Variants in CSGALNACT1 observed in about 807,000 individuals in gnomAD.
The protein encoded by CSGALNACT1 is chondroitin sulfate N-acetylgalactosaminyltransferase 1.
Under a neutral mutation model 51.0 loss-of-function variants are expected in CSGALNACT1, and 52 were observed. That is an observed-to-expected ratio of 1.02 (90% CI 0.82 to 1.29). The LOEUF (loss-of-function observed/expected upper bound fraction) is 1.29. Among genes scored for constraint, CSGALNACT1 ranks in the 50% most tolerant of loss-of-function variants. The probability of loss-of-function intolerance (pLI) is 0.00; values close to 1 mark genes in which losing one functional copy is unlikely to be tolerated. For synonymous variants in CSGALNACT1, 341 were observed against 254.4 expected (o/e 1.34, Z -3.24); for missense variants, 935 against 679.2 (o/e 1.38, Z -4.19).
intron 3 of CSGALNACT1, among the ~76,000 whole-genome samples, chr8:19,585,885 C>T (rs926385566): frequency 4.6e-5 from 7 of 152,156 alleles, no homozygotes; most frequent in Non-Finnish European, 7.3e-5. Context: ...CCCTCTTTAC[C>T]GCTTCTTTAC....
chr8:19,487,565 C>G (rs546552520), intron 4 of CSGALNACT1, among the ~76,000 whole-genome samples: 2 of 152,158 alleles, frequency 1.3e-5, no homozygotes, highest in African/African-American at 4.8e-5. Flanking sequence ...GGATAAGATT[C>G]TGGAGAAGAA....
At chr8:19,660,006 A>G (rs900104288) in intron 1 of CSGALNACT1, among the ~76,000 whole-genome samples, 2 of 152,236 alleles carry the variant, frequency 1.3e-5, no homozygotes, top group African/African-American at 2.4e-5. Flanking sequence ...TAAGAAGTAC[A>G]AGGTAGTACT....
intron 1 of CSGALNACT1, among the ~76,000 whole-genome samples, chr8:19,740,748 A>G (rs2064261108): frequency 6.6e-6 from 1 of 152,242 alleles, no homozygotes; most frequent in Non-Finnish European, 1.5e-5. Context: ...AATATTTGAA[A>G]AAGCAGTTAC....
chr8:19,740,037 C>A (rs918605961), intron 1 of CSGALNACT1, among the ~76,000 whole-genome samples: 1 of 152,154 alleles, frequency 6.6e-6, no homozygotes, highest in Admixed American at 6.5e-5. Flanking sequence ...ACCAAAATCC[C>A]TGTGATGTGG....
intron 4 of CSGALNACT1, among the ~76,000 whole-genome samples, chr8:19,502,634 A>G (rs2076616645): frequency 6.6e-6 from 1 of 152,182 alleles, no homozygotes; most frequent in Non-Finnish European, 1.5e-5. Context: ...AATTGCCTCA[A>G]CCATGGATTA....
intron 4 of CSGALNACT1, among the ~76,000 whole-genome samples, chr8:19,478,861 C>A (rs190114180): frequency 6.6e-6 from 1 of 152,132 alleles, no homozygotes; most frequent in Non-Finnish European, 1.5e-5. Flanking sequence ...CAAGAACTTT[C>A]CAGACCTCTG....
intron 3 of CSGALNACT1, among the ~76,000 whole-genome samples, chr8:19,534,687 G>A (rs967783287): frequency 2.0e-5 from 3 of 152,052 alleles, no homozygotes; most frequent in Admixed American, 6.6e-5. Flanking sequence ...AATCAGAAAC[G>A]AGAAAGCCCC....
chr8:19,506,038 C>G, exon 4 of CSGALNACT1: 1 of 707,298 alleles, frequency 1.4e-6, no homozygotes. Context: ...GATGATCTTG[C>G]AGGCAGAAGC....
intron 4 of CSGALNACT1, among the ~76,000 whole-genome samples, chr8:19,468,898 T>C (rs4244451): frequency 0.73 from 111,409 of 151,954 alleles, 41,975 homozygotes; most frequent in East Asian, 0.87. Context: ...TTAAGAAGAA[T>C]GAGCTCAGGA....
chr8:19,425,581 G>A (rs1357858833), intron 6 of CSGALNACT1, among the ~76,000 whole-genome samples: 2 of 152,126 alleles, frequency 1.3e-5, no homozygotes, highest in East Asian at 3.9e-4. Flanking sequence ...TCACAAGAGT[G>A]GAAGCATCTA....
intron 3 of CSGALNACT1, among the ~76,000 whole-genome samples, chr8:19,544,965 G>A (rs1202423774): frequency 1.3e-5 from 2 of 151,810 alleles, no homozygotes; most frequent in Non-Finnish European, 2.9e-5. Flanking sequence ...GAAAAAATGG[G>A]AACCAGGGGA....
chr8:19,452,077 A>G (rs1257744139), intron 5 of CSGALNACT1, among the ~76,000 whole-genome samples: 1 of 152,252 alleles, frequency 6.6e-6, no homozygotes, highest in Non-Finnish European at 1.5e-5. Flanking sequence ...CCAATAAATG[A>G]CCAATGAGGG....
intron 1 of CSGALNACT1, among the ~76,000 whole-genome samples, chr8:19,625,037 G>C (rs2054274975): frequency 6.6e-6 from 1 of 152,280 alleles, no homozygotes; most frequent in South Asian, 2.1e-4. Context: ...AGATGCAGAG[G>C]AACAAAAGAT....
At chr8:19,717,259 G>A (rs1178412429) in intron 1 of CSGALNACT1, among the ~76,000 whole-genome samples, 2 of 152,342 alleles carry the variant, frequency 1.3e-5, no homozygotes, top group Non-Finnish European at 2.9e-5. Flanking sequence ...AAAGGCATAT[G>A]TATTATCATT....
chr8:19,546,132 A>G (rs1437764726), intron 3 of CSGALNACT1, among the ~76,000 whole-genome samples: 3 of 152,120 alleles, frequency 2.0e-5, no homozygotes, highest in Non-Finnish European at 2.9e-5. Flanking sequence ...AGTCAATTCA[A>G]TAGCACAAAT....
intron 3 of CSGALNACT1, among the ~76,000 whole-genome samples, chr8:19,522,677 G>A (rs1223024975): frequency 7.9e-5 from 12 of 152,220 alleles, no homozygotes; most frequent in East Asian, 1.9e-4. Context: ...CCTTGGTGAA[G>A]TTCTGACCTG....
At chr8:19,508,086 G>A (rs1208679877) in intron 3 of CSGALNACT1, among the ~76,000 whole-genome samples, 1 of 152,080 alleles carries the variant, frequency 6.6e-6, no homozygotes, top group Admixed American at 6.6e-5. Context: ...CCAGATTCTG[G>A]GCCAATAATC....
At chr8:19,428,786 T>C (rs929321880) in intron 6 of CSGALNACT1, among the ~76,000 whole-genome samples, 31 of 151,428 alleles carry the variant, frequency 2.0e-4, no homozygotes, top group Non-Finnish European at 1.5e-4. Flanking sequence ...GTTTAAGACA[T>C]TGATTAGGAC....
In CSGALNACT1 at chr8:19,538,088, C is replaced by A. The variant is rs146375185; in HGVS notation, c.-296-31958G>T. Among the ~76,000 whole-genome samples the A allele has an allele frequency of 5.7e-3, 870 of 152,190 alleles. 2 individuals carry two copies. Among genetic ancestry groups the A allele is most frequent in the Non-Finnish European group, 9.4e-3 (639 of 67,986 alleles). On this transcript the variant is annotated intron_variant, in intron 3 of 9. Coordinates refer to ENST00000454498, the Ensembl canonical transcript of CSGALNACT1. ...ATCCCAGTGTTTTGGGAGGCTGAGG[C>A]AGGAGGATGCTTGAGGCCAGGAGTT...
Sources: gnomAD v4.1 joint callset for allele counts (sites outside exome capture counted in the v4.1 genomes callset) on GRCh38, gnomAD v4.1.1 for gene constraint, MANE v1.5 for transcripts, NCBI Gene and HGNC (gene_info 2026-07-23, HGNC 2026-07-21) for gene names.